The following HCN2 variants were observed in gnomAD, a reference collection of about 807,000 sequenced individuals.
The protein encoded by HCN2 is hyperpolarization activated cyclic nucleotide gated potassium and sodium channel 2.
In HCN2, 20 loss-of-function variants were observed where a neutral mutation model predicts 52.3. That is an observed-to-expected ratio of 0.38 (90% CI 0.27 to 0.56). The LOEUF (loss-of-function observed/expected upper bound fraction) is 0.56, where lower values mean the gene tolerates loss of function less well. Ranked by LOEUF, HCN2 falls within the 20% of genes least tolerant of loss-of-function variation. The pLI, the probability that HCN2 is intolerant of heterozygous loss-of-function variation, is 0.71. For missense variants in HCN2, 981 were observed against 1,207.7 expected, an observed-to-expected ratio of 0.81 and a Z score of 2.78; for synonymous variants, 694 against 537.0, an observed-to-expected ratio of 1.29 and a Z score of -4.04.
chr19:609,501 C>T (rs1983534266), intron 4 of HCN2, among the ~76,000 whole-genome samples: 1 of 152,244 alleles, frequency 6.6e-6, no homozygotes, highest in African/African-American at 2.4e-5. Flanking sequence ...TGCAGTGGCT[C>T]CTGCCTGTAA....
At chr19:606,290 G>T in intron 3 of HCN2, among the ~76,000 whole-genome samples, 1 of 151,688 alleles carries the variant, frequency 6.6e-6, no homozygotes, top group East Asian at 2.0e-4. Flanking sequence ...TAGTAGAGAC[G>T]GGGTCTCGCC....
intron 1 of HCN2, among the ~76,000 whole-genome samples, chr19:601,040 C>T (rs770463820): frequency 7.2e-5 from 11 of 152,158 alleles, no homozygotes; most frequent in Non-Finnish European, 1.5e-4. Context: ...CACGGCCGGG[C>T]GCAGTGGCTC....
rs2144546024 is a variant in HCN2 at position 616,938 on chromosome 19, C to T, written c.*464C>T. The T allele has an allele frequency of 5.1e-6, 2 of 389,626 alleles. No individual in the cohort carries two copies. The highest frequency in any genetic ancestry group is 9.6e-6 in the Non-Finnish European group (2 of 209,290). The allele number at this position is 389,626 out of a possible 1,614,324, so 24.1% of individuals were successfully genotyped here. ...CAATAACCGGCCCGGCCCCCGTCCGCGCGCGTCCCCCGGTGACCTCGGGGA... is the reference window on the plus strand; with the variant it reads ...CAATAACCGGCCCGGCCCCCGTCCGTGCGCGTCCCCCGGTGACCTCGGGGA... On this transcript the variant is annotated 3_prime_UTR_variant, in exon 8 of 8. Coordinates refer to ENST00000251287, the MANE Select transcript of HCN2 (RefSeq NM_001194.4).
rs559005685 is a variant in HCN2 at position 612,769 on chromosome 19, G to A, written c.1585-479G>A. On this transcript the variant is annotated intron_variant, in intron 5 of 7. Coordinates refer to ENST00000251287, the MANE Select transcript of HCN2 (RefSeq NM_001194.4). ...TTTTTGAGTCAGGGTCTTGTTCTGC[G>A]CTCAGGCTGGAGGGCAGTGGTGTGG... is the stretch of plus-strand genomic sequence containing the variant. Among the ~76,000 whole-genome samples the A allele has an allele frequency of 1.8e-4, 26 of 146,630 alleles. No homozygotes were observed. The South Asian group carries it at 4.5e-3, about 26-fold the overall frequency.
At position 617,104 on chromosome 19, in the gene HCN2, G is replaced by A. The variant is rs1428402708; in HGVS notation, c.*630G>A. Reference sequence around the variant, plus strand: ...CAGTGCCCCCACCGTGGCCCCCCACGCCCCATTAACCCCCACACCCCCATT... The same window carrying A: ...CAGTGCCCCCACCGTGGCCCCCCACACCCCATTAACCCCCACACCCCCATT... On this transcript the variant is annotated 3_prime_UTR_variant, in exon 8 of 8. Transcript: ENST00000251287. 2.5e-5 allele frequency: 6 copies of A among 241,760 alleles called. No individual in the cohort carries two copies. Among genetic ancestry groups the A allele is most frequent in the South Asian group, 7.4e-5 (2 of 27,006 alleles). The allele number at this position is 241,760 out of a possible 1,614,324, so 15.0% of individuals were successfully genotyped here.
intron 1 of HCN2, among the ~76,000 whole-genome samples, chr19:595,034 TC>T (rs1296528786): frequency 3.3e-5 from 5 of 151,690 alleles, no homozygotes; most frequent in African/African-American, 9.7e-5. Flanking sequence ...GACCCCCATC[TC>T]TACAAAAAGT....
Position 617,150 on chromosome 19 carries a change from T to C in HCN2, c.*676T>C, listed in dbSNP as rs1984009431. On this transcript the variant is annotated 3_prime_UTR_variant, in exon 8 of 8. Transcript: ENST00000251287. The stretch of plus-strand genomic sequence containing the variant: ...CCATTCCGCGCAATAAACGACAGCA[T>C]TGGCGCCAAGCCTGGCCGCGTGTGA... 5 of 669,620 alleles carry C rather than the reference T, an allele frequency of 7.5e-6. No individual in the cohort carries two copies. The highest frequency in any genetic ancestry group is 1.9e-5 in the African/African-American group (1 of 51,720). 41.5% of individuals were successfully genotyped at this position (669,620 alleles called of 1,614,324 possible). A position where few individuals can be genotyped will look rare whatever the true frequency, so the allele number is the denominator to read the frequency against.
intron 3 of HCN2, among the ~76,000 whole-genome samples, chr19:607,146 G>A (rs1184167954): frequency 6.6e-6 from 1 of 151,794 alleles, no homozygotes; most frequent in African/African-American, 2.4e-5. Flanking sequence ...ACTCCAGCCT[G>A]GGCGACAAGA....
intron 1 of HCN2, among the ~76,000 whole-genome samples, chr19:593,289 C>G (rs536917428): frequency 1.3e-5 from 2 of 152,342 alleles, no homozygotes; most frequent in Admixed American, 1.3e-4. Context: ...GTCCAGATTT[C>G]GGCTCTCAGG....
intron 5 of HCN2, 49 bp from the exon 6 acceptor site, chr19:613,199 A>C: frequency 6.4e-7 from 1 of 1,555,188 alleles, no homozygotes; most frequent in Non-Finnish European, 8.7e-7. Flanking sequence ...GGCGAGGGGG[A>C]AGCGGGAGTG....
Position 616,549 on chromosome 19 carries a change from G to A in HCN2, c.*75G>A, listed in dbSNP as rs974782383. The A allele has an allele frequency of 4.5e-6, 4 of 882,606 alleles. No homozygotes were observed. The highest frequency in any genetic ancestry group is 4.3e-6 in the Non-Finnish European group (3 of 696,794). 54.7% of individuals were successfully genotyped at this position (882,606 alleles called of 1,614,324 possible). The stretch of plus-strand genomic sequence containing the variant: ...ATCCAGACCAAAGCCATGCCATTGC[G>A]CTGCCCCGGCCGCCAGTCCGCCCAG... On this transcript the variant is annotated 3_prime_UTR_variant, in exon 8 of 8. Coordinates refer to ENST00000251287, the MANE Select transcript of HCN2 (RefSeq NM_001194.4).
intron 5 of HCN2, among the ~76,000 whole-genome samples, 164 bp downstream of exon 5, chr19:610,569 G>A (rs1011089371): frequency 1.3e-5 from 2 of 152,082 alleles, no homozygotes; most frequent in Non-Finnish European, 1.5e-5. Context: ...CGCCCCGTGA[G>A]CCTCTGCACC....
At chr19:609,645 A>G (rs1259095821) in intron 4 of HCN2, among the ~76,000 whole-genome samples, 1 of 152,212 alleles carries the variant, frequency 6.6e-6, no homozygotes, top group Non-Finnish European at 1.5e-5. Flanking sequence ...GCACACCTGT[A>G]ATCCCCACTA....
At position 605,286 on chromosome 19, in the gene HCN2, C is replaced by T. The variant is rs891717529; in HGVS notation, c.1218+64C>T. 2.3e-5 allele frequency: 34 copies of T among 1,501,082 alleles called. 1 individual carries two copies. The highest frequency in any genetic ancestry group is 2.0e-4 in the South Asian group (17 of 83,700). 93.0% of individuals were successfully genotyped at this position (1,501,082 alleles called of 1,614,324 possible). On this transcript the variant is annotated intron_variant, in intron 3 of 7. Transcript: ENST00000251287. The stretch of plus-strand genomic sequence containing the variant: ...CTCCCATACAGAGGGGGGACCCAGG[C>T]CCCCTTATCCCGCTTACAGAGGGTT...
Position 615,963 on chromosome 19 carries a change from C to CGCCGCA in HCN2, c.2161_2166dup (p.Pro721_Gln722dup), listed in dbSNP as rs747990708. 14 of 1,600,660 alleles carry CGCCGCA rather than the reference C, an allele frequency of 8.7e-6. No individual in the cohort carries two copies. The Admixed American group carries it at 1.5e-4, about 17-fold the overall frequency. Reference sequence around the variant, plus strand: ...GGCCTCTTCCCGCCGCCGCCGCCGCCGCCGCAGGTCACCTCGGCCATCGCC... The same window carrying CGCCGCA: ...GGCCTCTTCCCGCCGCCGCCGCCGCCGCCGCAGCCGCAGGTCACCTCGGCCATCGCC... On this transcript the variant is annotated inframe_insertion, in exon 8 of 8. Coordinates refer to ENST00000251287, the MANE Select transcript of HCN2 (RefSeq NM_001194.4).
chr19:611,427 G>C (rs958621863), intron 5 of HCN2, among the ~76,000 whole-genome samples: 2 of 152,130 alleles, frequency 1.3e-5, no homozygotes, highest in African/African-American at 4.8e-5. Context: ...TGTAGCACCT[G>C]GCTCGGGCAG....
chr19:613,192 G>A, intron 5 of HCN2, 56 bp from the exon 6 acceptor site: 3 of 1,550,360 alleles, frequency 1.9e-6, no homozygotes, highest in South Asian at 2.4e-5. Context: ...GAGGCAGGGC[G>A]AGGGGGAAGC....
chr19:601,781 T>G (rs1407745265), intron 1 of HCN2, among the ~76,000 whole-genome samples: 5 of 148,960 alleles, frequency 3.4e-5, no homozygotes, highest in Non-Finnish European at 7.4e-5. Context: ...GCTGACCCTC[T>G]ATGACCTCCT....
chr19:611,927 C>T (rs889807092), intron 5 of HCN2, among the ~76,000 whole-genome samples: 2 of 152,164 alleles, frequency 1.3e-5, no homozygotes, highest in African/African-American at 4.8e-5. Flanking sequence ...GGGCAGATCA[C>T]CTGAGGTCAG....
Sources: gnomAD v4.1 joint callset for allele counts (sites outside exome capture counted in the v4.1 genomes callset) on GRCh38, gnomAD v4.1.1 for gene constraint, MANE v1.5 for transcripts, NCBI Gene and HGNC (gene_info 2026-07-23, HGNC 2026-07-21) for gene names.